HS6ST3: variants seen among roughly 807,000 people sequenced by gnomAD.
The protein encoded by HS6ST3 is heparan-sulfate 6-O-sulfotransferase 3.
HS6ST3 carries 12 observed loss-of-function variants against 36.7 expected under a neutral mutation model. That is an observed-to-expected ratio of 0.33 (90% CI 0.21 to 0.53). HS6ST3 has a LOEUF of 0.53. Ranked by LOEUF, HS6ST3 falls within the 20% of genes least tolerant of loss-of-function variation. The probability of loss-of-function intolerance (pLI) is 0.95; values close to 1 mark genes in which losing one functional copy is unlikely to be tolerated. For missense variants in HS6ST3, 584 were observed against 640.9 expected (o/e 0.91, Z 0.96); for synonymous variants, 240 against 257.5 (o/e 0.93, Z 0.65).
At chr13:96,214,508 A>G (rs1186758856) in intron 1 of HS6ST3, among the ~76,000 whole-genome samples, 1 of 152,212 alleles carries the variant, frequency 6.6e-6, no homozygotes, top group Non-Finnish European at 1.5e-5. Context: ...TAACTGTATT[A>G]GTCTCTAAGG....
intron 1 of HS6ST3, among the ~76,000 whole-genome samples, chr13:96,594,276 CT>C (rs905401336): frequency 1.6e-4 from 24 of 146,782 alleles, no homozygotes; most frequent in South Asian, 2.2e-4. Context: ...TGGCCAGGGT[CT>C]TTTTTTTTTA....
At position 96,495,465 on chromosome 13, in the gene HS6ST3, C is replaced by T. The variant is rs79467633; in HGVS notation, c.708-337025C>T. Among the ~76,000 whole-genome samples the T allele has an allele frequency of 1.2e-4, 18 of 152,298 alleles. 1 individual carries two copies. In the East Asian group the frequency reaches 3.1e-3, roughly 26 times the overall value. On this transcript the variant is annotated intron_variant, in intron 1 of 1. Transcript: ENST00000376705. ...AACAGTGCTTTAAACACTGAGAGTT[C>T]GTGGTTTTCCATGTTAAGTGGAAAG...
intron 1 of HS6ST3, among the ~76,000 whole-genome samples, chr13:96,405,969 T>C (rs1874063011): frequency 6.6e-6 from 1 of 152,232 alleles, no homozygotes; most frequent in African/African-American, 2.4e-5. Context: ...AATAAAATTC[T>C]CACCTTTTTC....
At chr13:96,705,353 G>A (rs1335190570) in intron 1 of HS6ST3, among the ~76,000 whole-genome samples, 1 of 152,166 alleles carries the variant, frequency 6.6e-6, no homozygotes, top group Non-Finnish European at 1.5e-5. Flanking sequence ...ACTTTGAGAA[G>A]GGTAAAATGA....
At chr13:96,394,725 C>G (rs1295571798) in intron 1 of HS6ST3, among the ~76,000 whole-genome samples, 1 of 151,948 alleles carries the variant, frequency 6.6e-6, no homozygotes, top group African/African-American at 2.4e-5. Flanking sequence ...GAATTCGTAC[C>G]CAGTTCTTAT....
Position 96,187,417 on chromosome 13 carries a change from C to A in HS6ST3, c.707+95848C>A, listed in dbSNP as rs143336053. ...TGCCAGGAAGGTAAGGCATTATTCT[C>A]ATTTTACAGATGAGGATATTGAGAC... On this transcript the variant is annotated intron_variant, in intron 1 of 1. Coordinates refer to ENST00000376705, the MANE Select transcript of HS6ST3 (RefSeq NM_153456.4). Among the ~76,000 whole-genome samples, 124 of 152,288 alleles carry A rather than the reference C, an allele frequency of 8.1e-4. 1 individual carries two copies. In the East Asian group the frequency reaches 0.021, roughly 26 times the overall value.
intron 1 of HS6ST3, among the ~76,000 whole-genome samples, chr13:96,137,868 C>T (rs2054010619): frequency 1.3e-5 from 2 of 152,284 alleles, no homozygotes; most frequent in Middle Eastern, 3.4e-3. Flanking sequence ...TCTTTCTGAC[C>T]TCATTACTTA....
At chr13:96,430,561 C>T (rs928235618) in intron 1 of HS6ST3, among the ~76,000 whole-genome samples, 20 of 152,132 alleles carry the variant, frequency 1.3e-4, no homozygotes, top group Admixed American at 1.2e-3. Context: ...TAAGTTGGCC[C>T]CTGGGTTCCT....
intron 1 of HS6ST3, among the ~76,000 whole-genome samples, chr13:96,244,604 A>G (rs559510068): frequency 3.6e-4 from 55 of 152,158 alleles, no homozygotes; most frequent in Non-Finnish European, 7.5e-4. Context: ...CATTCCATCT[A>G]TTTTGCTATT....
At chr13:96,175,832 T>C (rs2054210294) in intron 1 of HS6ST3, among the ~76,000 whole-genome samples, 1 of 152,058 alleles carries the variant, frequency 6.6e-6, no homozygotes, top group African/African-American at 2.4e-5. Context: ...AAAATTATTC[T>C]TTCTTTTTTT....
At chr13:96,367,326 C>T (rs1424575617) in intron 1 of HS6ST3, among the ~76,000 whole-genome samples, 1 of 152,072 alleles carries the variant, frequency 6.6e-6, no homozygotes, top group Non-Finnish European at 1.5e-5. Context: ...GAAAAATTAA[C>T]GATAAAAGGA....
rs750897676 is a variant in HS6ST3 at position 96,839,129 on chromosome 13, A to G, written c.*5931A>G. The G allele has an allele frequency of 3.9e-5, 6 of 152,200 alleles. No homozygotes were observed. The highest frequency in any genetic ancestry group is 4.4e-5 in the Non-Finnish European group (3 of 68,030). 9.4% of individuals were successfully genotyped at this position (152,200 alleles called of 1,614,324 possible). ...GAAAAACCAGTGTTTTGAGGAGCAAAAGTTTTGTGTACTTCAGTAATTGTC... is the reference window on the plus strand; with the variant it reads ...GAAAAACCAGTGTTTTGAGGAGCAAGAGTTTTGTGTACTTCAGTAATTGTC... On this transcript the variant is annotated 3_prime_UTR_variant, in exon 2 of 2. Transcript: ENST00000376705.
In HS6ST3 at chr13:96,832,695, C is replaced by T; in HGVS notation, c.913C>T (p.Leu305=). 10 of 1,613,964 alleles carry T rather than the reference C, an allele frequency of 6.2e-6. No homozygotes were observed. Among genetic ancestry groups the T allele is most frequent in the Non-Finnish European group, 8.5e-6 (10 of 1,179,892 alleles). The change falls in exon 2 of 2, where the codon CTG becomes TTG. Residue 305 remains leucine (L), a synonymous_variant. Coordinates refer to ENST00000376705, the MANE Select transcript of HS6ST3 (RefSeq NM_153456.4). ...GGAGTTTATGGATTGCACCTACAAC[C>T]TGGCTAACAATCGCCAGGTGCGCAT... ...LREFMDCTYN[L]ANNRQVRMLA... is the part of the protein sequence containing the mutation.
chr13:96,486,311 G>T (rs920115914), intron 1 of HS6ST3, among the ~76,000 whole-genome samples: 3 of 152,062 alleles, frequency 2.0e-5, no homozygotes, highest in African/African-American at 7.3e-5. Flanking sequence ...TGTGAATAGT[G>T]CCTCAATAAA....
At chr13:96,661,891 T>A (rs1439426773) in intron 1 of HS6ST3, among the ~76,000 whole-genome samples, 1 of 152,168 alleles carries the variant, frequency 6.6e-6, no homozygotes, top group African/African-American at 2.4e-5. Flanking sequence ...TTTCTGGCAG[T>A]TCTTTTCTTT....
chr13:96,283,060 ACTC>A (rs1313798898), intron 1 of HS6ST3, among the ~76,000 whole-genome samples: 2 of 151,964 alleles, frequency 1.3e-5, no homozygotes, highest in African/African-American at 4.8e-5. Flanking sequence ...CCCTCACTGT[ACTC>A]CAAGCATCTG....
chr13:96,342,214 C>T (rs1426812804), intron 1 of HS6ST3, among the ~76,000 whole-genome samples: 1 of 151,984 alleles, frequency 6.6e-6, no homozygotes, highest in Non-Finnish European at 1.5e-5. Context: ...ATGGGCAAAT[C>T]ATTCCTTTTC....
intron 1 of HS6ST3, among the ~76,000 whole-genome samples, chr13:96,672,471 G>C (rs1449221758): frequency 6.6e-6 from 1 of 152,096 alleles, no homozygotes; most frequent in Non-Finnish European, 1.5e-5. Flanking sequence ...CCCCTCTCCA[G>C]CAGCCCTCCA....
At chr13:96,722,480 C>G (rs780909048) in intron 1 of HS6ST3, among the ~76,000 whole-genome samples, 1 of 152,130 alleles carries the variant, frequency 6.6e-6, no homozygotes, top group African/African-American at 2.4e-5. Context: ...TCTCAAGAAA[C>G]TTTCCCCCGG....
Sources: allele counts gnomAD v4.1 joint callset (sites outside exome capture counted in the v4.1 genomes callset), GRCh38; gene constraint gnomAD v4.1.1; transcripts MANE v1.5; gene names NCBI Gene and HGNC (gene_info 2026-07-23, HGNC 2026-07-21).